BRCC3: variants seen among roughly 807,000 people sequenced by gnomAD.
BRCC3 encodes lys-63-specific deubiquitinase BRCC36.
A neutral mutation model predicts 28.0 loss-of-function variants in BRCC3; 15 were observed. The observed-to-expected ratio is 0.54, with a 90% CI of 0.36 to 0.82. BRCC3 has a LOEUF of 0.82. Among genes scored for constraint, BRCC3 ranks in the 40% least tolerant of loss-of-function variants. The pLI is 0.01. For missense variants in BRCC3, 109 were observed against 225.9 expected (o/e 0.48, Z 3.32); for synonymous variants, 66 against 80.3 (o/e 0.82, Z 0.95).
chrX:155,111,430 A>G (rs1363594507), intron 7 of BRCC3, among the ~76,000 whole-genome samples: 1 of 112,144 alleles, frequency 8.9e-6, no homozygotes, highest in East Asian at 2.8e-4. Context: ...TCAGTGGAAT[A>G]GAATTGTGAG....
At chrX:155,089,205 A>G in intron 5 of BRCC3, 58 bp from the exon 6 acceptor site, 2 of 788,881 alleles carry the variant, frequency 2.5e-6, no homozygotes, top group Non-Finnish European at 3.7e-6. Flanking sequence ...CTTTAAATCA[A>G]TAAGCTGTGA....
intron 5 of BRCC3, among the ~76,000 whole-genome samples, chrX:155,087,204 A>C (rs1244841878): frequency 8.9e-6 from 1 of 111,865 alleles, no homozygotes; most frequent in Non-Finnish European, 1.9e-5. Context: ...GAGGGGGTAC[A>C]TCCATTAGGA....
intron 5 of BRCC3, among the ~76,000 whole-genome samples, chrX:155,083,083 T>A (rs1299610603): frequency 8.9e-6 from 1 of 112,361 alleles, no homozygotes; most frequent in African/African-American, 3.2e-5. Context: ...AAACTAACAT[T>A]TTCATGCCAC....
intron 7 of BRCC3, 35 bp from the exon 8 acceptor site, chrX:155,116,022 G>T: frequency 8.4e-7 from 1 of 1,189,665 alleles, no homozygotes; most frequent in African/African-American, 1.7e-5. Flanking sequence ...AACAACTCAG[G>T]GTTTAAAAAC....
intron 4 of BRCC3, among the ~76,000 whole-genome samples, chrX:155,078,338 C>T (rs1290633517): frequency 8.9e-6 from 1 of 112,058 alleles, no homozygotes; most frequent in African/African-American, 3.2e-5. Context: ...TTTAGAAAAG[C>T]TTTTCAGATA....
intron 3 of BRCC3, among the ~76,000 whole-genome samples, chrX:155,075,275 G>C: frequency 9.0e-6 from 1 of 111,436 alleles, no homozygotes. Flanking sequence ...ATCTGATAAT[G>C]CTAAGCCCAC....
intron 7 of BRCC3, among the ~76,000 whole-genome samples, chrX:155,105,850 C>T (rs1486781591): frequency 9.0e-6 from 1 of 111,687 alleles, no homozygotes; most frequent in Non-Finnish European, 1.9e-5. Context: ...AGGCACGTGC[C>T]ATCACACCTG....
chrX:155,080,008 A>C (rs2074073805), intron 5 of BRCC3, among the ~76,000 whole-genome samples: 1 of 111,341 alleles, frequency 9.0e-6, no homozygotes, highest in Non-Finnish European at 1.9e-5. Context: ...CAGATTCTTT[A>C]ATTGGTTCAC....
chrX:155,099,613 C>T (rs1366014520), intron 7 of BRCC3, among the ~76,000 whole-genome samples: 3 of 111,915 alleles, frequency 2.7e-5, no homozygotes, highest in Non-Finnish European at 5.6e-5. Context: ...AGTGAGAATG[C>T]GCATTTGGAA....
At chrX:155,078,150 G>C (rs2074060385) in intron 4 of BRCC3, among the ~76,000 whole-genome samples, 1 of 112,779 alleles carries the variant, frequency 8.9e-6, no homozygotes, top group Non-Finnish European at 1.9e-5. Flanking sequence ...TGGGCTAAGA[G>C]AAGTTAAGTA....
At position 155,116,718 on chromosome X, in the gene BRCC3, C is replaced by A. The variant is rs1557298844; in HGVS notation, c.688C>A (p.His230Asn). Reference protein sequence around the residue: ...DAYRRIHSLTHLDSVTKIHNG... With the variant: ...DAYRRIHSLTNLDSVTKIHNG... ...AACTATTTTATTCTTTAGCCTTACACATCTGGACTCAGTAACCAAGATCCA... is the reference window on the plus strand; with the variant it reads ...AACTATTTTATTCTTTAGCCTTACAAATCTGGACTCAGTAACCAAGATCCA... The change falls in exon 9 of 11, where the codon CAT (histidine) becomes AAT (asparagine). Residue 230 changes from histidine to asparagine, a missense_variant. Coordinates refer to ENST00000330045, the MANE Select transcript of BRCC3 (RefSeq NM_001018055.3). 4 of 1,176,972 alleles carry A rather than the reference C, an allele frequency of 3.4e-6. No individual in the cohort carries two copies. In the African/African-American group the frequency reaches 7.1e-5, roughly 21 times the overall value.
At chrX:155,075,288 T>TTGTTTTGCC (rs1451237073) in intron 3 of BRCC3, among the ~76,000 whole-genome samples, 3 of 110,665 alleles carry the variant, frequency 2.7e-5, no homozygotes, top group African/African-American at 9.7e-5. Context: ...AAGCCCACTC[T>TTGTTTTGCC]TTCCCCTGGC....
At chrX:155,075,291 C>CCCCTGAAACTCTTTGTCTTCCT (rs374660889) in intron 3 of BRCC3, among the ~76,000 whole-genome samples, 3 of 105,281 alleles carry the variant, frequency 2.8e-5, no homozygotes, top group African/African-American at 7.2e-5. Flanking sequence ...CCCACTCTTT[C>CCCCTGAAACTCTTTGTCTTCCT]CCCTGGCCCT....
chrX:155,086,177 A>G (rs1383952591), intron 5 of BRCC3, among the ~76,000 whole-genome samples: 1 of 111,236 alleles, frequency 9.0e-6, no homozygotes, highest in Non-Finnish European at 1.9e-5. Context: ...CAGCCGCCCC[A>G]TTGGGAAACT....
intron 7 of BRCC3, among the ~76,000 whole-genome samples, chrX:155,098,179 C>T (rs1384134851): frequency 8.9e-6 from 1 of 111,825 alleles, no homozygotes; most frequent in Non-Finnish European, 1.9e-5. Context: ...TCCTAGTTTT[C>T]TAATAAATAC....
chrX:155,097,787 C>A (rs2074220012), intron 7 of BRCC3, among the ~76,000 whole-genome samples: 1 of 111,951 alleles, frequency 8.9e-6, no homozygotes, highest in Non-Finnish European at 1.9e-5. Context: ...GAATTGAAAG[C>A]AGGGTCTCTC....
At chrX:155,110,916 G>A (rs1306330758) in intron 7 of BRCC3, among the ~76,000 whole-genome samples, 11 of 110,341 alleles carry the variant, frequency 1.0e-4, no homozygotes, top group Admixed American at 9.6e-4. Context: ...CACAGAAGTG[G>A]GGATATAAAC....
At chrX:155,081,273 AG>A (rs1252355882) in intron 5 of BRCC3, among the ~76,000 whole-genome samples, 1 of 107,263 alleles carries the variant, frequency 9.3e-6, no homozygotes, top group Non-Finnish European at 1.9e-5. Context: ...TGGAGGTTGC[AG>A]TGAGCTGAGA....
intron 3 of BRCC3, among the ~76,000 whole-genome samples, chrX:155,074,799 T>G (rs1208757785): frequency 8.9e-6 from 1 of 112,310 alleles, no homozygotes; most frequent in Non-Finnish European, 1.9e-5. Flanking sequence ...TATCCTTTTA[T>G]TTTTAGCCTT....
Sources: allele counts gnomAD v4.1 joint callset (sites outside exome capture counted in the v4.1 genomes callset), GRCh38; gene constraint gnomAD v4.1.1; transcripts MANE v1.5; gene names NCBI Gene and HGNC (gene_info 2026-07-23, HGNC 2026-07-21).